The following DPP6 variants were observed in gnomAD, a reference collection of about 807,000 sequenced individuals.
DPP6 encodes dipeptidyl peptidase like 6.
Under a neutral mutation model 122.6 loss-of-function variants are expected in DPP6, and 69 were observed. The observed-to-expected ratio is 0.56, with a 90% CI of 0.46 to 0.69. The LOEUF (loss-of-function observed/expected upper bound fraction) is 0.69. Ranked by LOEUF, DPP6 falls within the 30% of genes least tolerant of loss-of-function variation. The pLI is 0.00. For missense variants in DPP6, 928 were observed against 1,116.9 expected (o/e 0.83, Z 2.41); for synonymous variants, 418 against 433.1 (o/e 0.97, Z 0.43).
chr7:154,341,928 C>A (rs28499293), intron 1 of DPP6, among the ~76,000 whole-genome samples: 1 of 151,992 alleles, frequency 6.6e-6, no homozygotes, highest in South Asian at 2.1e-4. Context: ...TCATAAAAAC[C>A]GAAGTTGCTG....
upstream of DPP6, among the ~76,000 whole-genome samples, chr7:154,050,313 A>G (rs997461370): frequency 1.3e-5 from 2 of 152,236 alleles, no homozygotes; most frequent in African/African-American, 4.8e-5. Context: ...AAAGTGGCAC[A>G]TATGCTTTAT....
intron 2 of DPP6, among the ~76,000 whole-genome samples, chr7:154,466,946 G>C (rs1268483315): frequency 6.6e-6 from 1 of 152,208 alleles, no homozygotes; most frequent in Non-Finnish European, 1.5e-5. Flanking sequence ...TGAGTTTTGA[G>C]TAGGCCTCAG....
intron 2 of DPP6, among the ~76,000 whole-genome samples, chr7:154,466,974 G>C (rs1031692270): frequency 6.6e-6 from 1 of 152,196 alleles, no homozygotes; most frequent in African/African-American, 2.4e-5. Flanking sequence ...TCCACCCAAA[G>C]CACAATTCAT....
intron 3 of DPP6, among the ~76,000 whole-genome samples, chr7:154,520,280 T>C (rs1190673377): frequency 6.6e-6 from 1 of 152,256 alleles, no homozygotes; most frequent in Non-Finnish European, 1.5e-5. Flanking sequence ...TATCTTCCAT[T>C]TTCATCTTTT....
intron 1 of DPP6, among the ~76,000 whole-genome samples, chr7:154,127,652 GAC>G (rs66703506): frequency 0.04 from 3,174 of 79,084 alleles, 30 homozygotes; most frequent in Non-Finnish European, 0.065. Context: ...CACACACACA[GAC>G]ACACACACAC....
chr7:154,005,892 G>A lies in DPP6; in HGVS notation c.51+118158G>A, dbSNP rs560612343. ...TGGAGATCCTGCGGGCCTCACTGCCGCCATTCCCCATGGCCACTCAGCCAG... is the reference window on the plus strand; with the variant it reads ...TGGAGATCCTGCGGGCCTCACTGCCACCATTCCCCATGGCCACTCAGCCAG... On this transcript the variant is annotated intron_variant, in intron 1 of 25. Coordinates refer to the DPP6 transcript ENST00000404039. Among the ~76,000 whole-genome samples, 412 of 152,106 alleles carry A rather than the reference G, an allele frequency of 2.7e-3. 4 individuals are homozygous for A. Among genetic ancestry groups the A allele is most frequent in the African/African-American group, 9.2e-3 (381 of 41,406 alleles).
At chr7:154,426,717 T>C (rs369912874) in intron 1 of DPP6, among the ~76,000 whole-genome samples, 1 of 151,438 alleles carries the variant, frequency 6.6e-6, no homozygotes, top group East Asian at 1.9e-4. Flanking sequence ...ACTTGGTCAC[T>C]GTTGAGAGGA....
chr7:154,478,706 T>G (rs1822972011), intron 3 of DPP6, among the ~76,000 whole-genome samples: 1 of 152,222 alleles, frequency 6.6e-6, no homozygotes, highest in Non-Finnish European at 1.5e-5. Context: ...TCTGTCTGGT[T>G]TTTATAAACT....
At chr7:153,837,641 G>T in the DPP6 span, among the ~76,000 whole-genome samples, 1 of 151,982 alleles carries the variant, frequency 6.6e-6, no homozygotes, top group African/African-American at 2.4e-5. Context: ...AGGGTCACTG[G>T]TAACATCAAA....
At chr7:154,547,656 G>A (rs887857712) in intron 4 of DPP6, among the ~76,000 whole-genome samples, 1 of 152,136 alleles carries the variant, frequency 6.6e-6, no homozygotes, top group East Asian at 1.9e-4. Flanking sequence ...AGCACAAACT[G>A]TCTTGGTATT....
At chr7:154,703,076 C>T (rs191015890) in intron 7 of DPP6, among the ~76,000 whole-genome samples, 72 of 152,242 alleles carry the variant, frequency 4.7e-4, no homozygotes, top group Non-Finnish European at 7.8e-4. Flanking sequence ...ATAACAAGGC[C>T]TGGATTATAG....
At chr7:153,844,900 C>T in the DPP6 span, among the ~76,000 whole-genome samples, 1 of 152,250 alleles carries the variant, frequency 6.6e-6, no homozygotes, top group South Asian at 2.1e-4. Flanking sequence ...GAGTATTTGT[C>T]ACCCATGTAA....
intron 1 of DPP6, among the ~76,000 whole-genome samples, chr7:153,981,087 G>C (rs1334353314): frequency 1.3e-5 from 2 of 152,178 alleles, no homozygotes; most frequent in African/African-American, 4.8e-5. Context: ...CTGAGTTCAA[G>C]TCCTGAATAT....
intron 1 of DPP6, among the ~76,000 whole-genome samples, chr7:154,225,570 A>T (rs1478262179): frequency 6.7e-6 from 1 of 150,038 alleles, no homozygotes; most frequent in Non-Finnish European, 1.5e-5. Context: ...AAGAAAAAAA[A>T]TGAGAAAAAA....
In DPP6 at chr7:154,381,999, A is replaced by C. The variant is rs368340068; in HGVS notation, c.244-64215A>C. 7.9e-5 allele frequency among the ~76,000 whole-genome samples: 12 copies of C among 151,988 alleles called. No homozygotes were observed. The East Asian group carries it at 1.7e-3, about 22-fold the overall frequency. On this transcript the variant is annotated intron_variant, in intron 1 of 25. Coordinates refer to ENST00000377770, the MANE Select transcript of DPP6 (RefSeq NM_130797.4). ...CTGGAGGACAGCTTGCGCCCAGGGA[A>C]ATTACATGCAAACCAGGTTTTCCTG...
At chr7:153,858,134 T>A in the DPP6 span, among the ~76,000 whole-genome samples, 1 of 152,366 alleles carries the variant, frequency 6.6e-6, no homozygotes, top group East Asian at 1.9e-4. Flanking sequence ...TTCTTGTTTC[T>A]CTTTCCCCTT....
chr7:154,700,932 A>G (rs1457681001), intron 7 of DPP6, among the ~76,000 whole-genome samples: 1 of 152,154 alleles, frequency 6.6e-6, no homozygotes. Flanking sequence ...CATCAGACAG[A>G]CCACAGTCCA....
At chr7:153,964,856 C>CCTTTT (rs1795577485) in intron 1 of DPP6, among the ~76,000 whole-genome samples, 1 of 132,130 alleles carries the variant, frequency 7.6e-6, no homozygotes, top group African/African-American at 3.7e-5. Context: ...TTTTCCTTTT[C>CCTTTT]CCTTTCCTTT....
chr7:154,779,022 T>G (rs1296743908), intron 10 of DPP6, among the ~76,000 whole-genome samples: 1 of 82,958 alleles, frequency 1.2e-5, no homozygotes. Flanking sequence ...CACCCCACCA[T>G]CACCTCCACC....
Sources: allele counts gnomAD v4.1 joint callset (sites outside exome capture counted in the v4.1 genomes callset), GRCh38; gene constraint gnomAD v4.1.1; transcripts MANE v1.5; gene names NCBI Gene and HGNC (gene_info 2026-07-23, HGNC 2026-07-21).